Variants in GPR39 observed in about 807,000 individuals in gnomAD.
GPR39 encodes the protein G protein-coupled receptor 39.
GPR39 carries 23 observed loss-of-function variants against 18.4 expected under a neutral mutation model. The observed-to-expected ratio is 1.25, with a 90% CI of 0.90 to 1.77. GPR39 has a LOEUF of 1.77. GPR39 is among the 40% of genes most tolerant of loss of function. The pLI is 0.00. For synonymous variants in GPR39, 280 were observed against 257.9 expected (o/e 1.09, Z -0.82); for missense variants, 647 against 602.4 (o/e 1.07, Z -0.78).
chr2:132,492,065 TACACCACATATATATAC>T (rs1296216463), intron 1 of GPR39, among the ~76,000 whole-genome samples: 2 of 150,480 alleles, frequency 1.3e-5, no homozygotes, highest in African/African-American at 2.4e-5. Flanking sequence ...TATATATGTA[TACACCACATATATATAC>T]ACACCACATA....
In GPR39 at chr2:132,645,188, C is replaced by G. The variant is rs763051509; in HGVS notation, c.944C>G (p.Thr315Arg). ...GCGGCCAAACCCAAGCACGACTGGA[C>G]GAGGTCCTACTTCCGGGCGTACATG... ...MAAAKPKHDW[T>R]RSYFRAYMIL... The change falls in exon 2 of 2, where the codon ACG becomes AGG. Residue 315 changes from threonine to arginine, a missense_variant. By Grantham distance (71) the Thr-to-Arg change is moderately conservative (BLOSUM62 -1). Transcript: ENST00000329321. 6.2e-7 allele frequency: 1 copy of G among 1,614,138 alleles called. No individual in the cohort carries two copies. Among genetic ancestry groups the G allele is most frequent in the South Asian group, 1.1e-5 (1 of 91,082 alleles).
chr2:132,632,498 G>A (rs143629507), intron 1 of GPR39, among the ~76,000 whole-genome samples: 15 of 152,210 alleles, frequency 9.9e-5, no homozygotes, highest in African/African-American at 3.6e-4. Flanking sequence ...AGAAAGCATT[G>A]GACTTTTGAT....
At chr2:132,616,979 T>G (rs1681347361) in intron 1 of GPR39, among the ~76,000 whole-genome samples, 1 of 152,190 alleles carries the variant, frequency 6.6e-6, no homozygotes, top group African/African-American at 2.4e-5. Flanking sequence ...ACAAACCCAT[T>G]CATAGAGACA....
intron 1 of GPR39, among the ~76,000 whole-genome samples, chr2:132,619,854 CACAG>C (rs775292229): frequency 0.02 from 1,932 of 97,966 alleles, 37 homozygotes; most frequent in African/African-American, 0.085. Flanking sequence ...CACACACACA[CACAG>C]ACACACACAC....
At chr2:132,561,268 C>T (rs189007366) in intron 1 of GPR39, among the ~76,000 whole-genome samples, 1 of 152,228 alleles carries the variant, frequency 6.6e-6, no homozygotes, top group East Asian at 1.9e-4. Flanking sequence ...CCTAAACCTG[C>T]TTTTCCTCCT....
chr2:132,520,840 A>T (rs1336585270), intron 1 of GPR39, among the ~76,000 whole-genome samples: 1 of 152,250 alleles, frequency 6.6e-6, no homozygotes, highest in Non-Finnish European at 1.5e-5. Context: ...GCCCAGCCTC[A>T]ACTGCACGTT....
At chr2:132,532,977 T>C (rs1573651224) in intron 1 of GPR39, among the ~76,000 whole-genome samples, 1 of 152,050 alleles carries the variant, frequency 6.6e-6, no homozygotes, top group South Asian at 2.1e-4. Flanking sequence ...TTCAACGTAG[T>C]GTTGGAAGTT....
chr2:132,621,545 G>A (rs971830612), intron 1 of GPR39, among the ~76,000 whole-genome samples: 1 of 152,216 alleles, frequency 6.6e-6, no homozygotes, highest in Non-Finnish European at 1.5e-5. Context: ...GAGAGTCAGT[G>A]CCTGAGATGT....
intron 1 of GPR39, among the ~76,000 whole-genome samples, chr2:132,420,200 G>A (rs995662873): frequency 6.6e-6 from 1 of 152,164 alleles, no homozygotes; most frequent in African/African-American, 2.4e-5. Flanking sequence ...GGTGCTCAAT[G>A]TGCGATAATG....
At chr2:132,582,549 A>ACT (rs1371567267) in intron 1 of GPR39, among the ~76,000 whole-genome samples, 1 of 152,066 alleles carries the variant, frequency 6.6e-6, no homozygotes, top group Non-Finnish European at 1.5e-5. Flanking sequence ...TGGCCAGCCC[A>ACT]CTCTCCAGCC....
chr2:132,601,824 T>G (rs1681048140), intron 1 of GPR39, among the ~76,000 whole-genome samples: 1 of 152,050 alleles, frequency 6.6e-6, no homozygotes, highest in African/African-American at 2.4e-5. Flanking sequence ...ATAATAGCTA[T>G]GAAAAATAGT....
chr2:132,495,893 A>T (rs1681632989), intron 1 of GPR39, among the ~76,000 whole-genome samples: 1 of 151,332 alleles, frequency 6.6e-6, no homozygotes, highest in South Asian at 2.1e-4. Context: ...GCACTTCTTT[A>T]GTCCTTAGCC....
chr2:132,639,903 G>GA (rs1009912549), intron 1 of GPR39, among the ~76,000 whole-genome samples: 7 of 151,954 alleles, frequency 4.6e-5, no homozygotes, highest in East Asian at 1.9e-4. Context: ...TCTAAAGCTG[G>GA]AAAAAAACCC....
intron 1 of GPR39, among the ~76,000 whole-genome samples, chr2:132,430,553 G>A (rs2104758499): frequency 6.6e-6 from 1 of 152,310 alleles, no homozygotes; most frequent in South Asian, 2.1e-4. Flanking sequence ...CTAGGGAGTA[G>A]AAATTCATGG....
rs1253448975 is a variant in GPR39 at position 132,417,843 on chromosome 2, G to A, written c.801G>A (p.Arg267=). Residue 267 remains arginine, a synonymous_variant, in exon 1 of 2, where the codon AGG becomes AGA. Transcript: ENST00000329321. The stretch of plus-strand genomic sequence containing the variant: ...GGGGCACGCGGCCTCCGCAGCTGAG[G>A]AAGTCCGAGAGCGAAGAGAGCAGGA... ...LAGGTRPPQL[R]KSESEESRTA... The A allele has an allele frequency of 6.2e-7, 1 of 1,612,380 alleles. No individual in the cohort carries two copies. Among genetic ancestry groups the A allele is most frequent in the African/African-American group, 1.3e-5 (1 of 74,932 alleles).
Position 132,531,950 on chromosome 2 carries a change from A to G in GPR39, c.857-113151A>G, listed in dbSNP as rs557642867. ...TCACAATTAAAAGAACTAGAGAAGCAAGAGCAAACACATTCAAAAACTAGC... is the reference window on the plus strand; with the variant it reads ...TCACAATTAAAAGAACTAGAGAAGCGAGAGCAAACACATTCAAAAACTAGC... On this transcript the variant is annotated intron_variant, in intron 1 of 1. Coordinates refer to ENST00000329321, the MANE Select transcript of GPR39 (RefSeq NM_001508.3). 8.5e-5 allele frequency among the ~76,000 whole-genome samples: 13 copies of G among 152,360 alleles called. No homozygotes were observed. The East Asian group carries it at 2.3e-3, about 27-fold the overall frequency.
chr2:132,564,624 T>C (rs1680313280), intron 1 of GPR39, among the ~76,000 whole-genome samples: 1 of 152,084 alleles, frequency 6.6e-6, no homozygotes, highest in Non-Finnish European at 1.5e-5. Context: ...GGCCAGTACC[T>C]GCACCATCTT....
At chr2:132,553,392 G>GTATATATACGTA (rs1680090703) in intron 1 of GPR39, among the ~76,000 whole-genome samples, 1 of 147,870 alleles carries the variant, frequency 6.8e-6, no homozygotes, top group African/African-American at 2.5e-5. Flanking sequence ...TATATATAGT[G>GTATATATACGTA]TATATATACG....
At chr2:132,586,175 C>T (rs1290498627) in intron 1 of GPR39, among the ~76,000 whole-genome samples, 3 of 151,936 alleles carry the variant, frequency 2.0e-5, no homozygotes. Context: ...AAAGTATCTG[C>T]GCTGTCTCCT....
Sources: gnomAD v4.1 joint callset for allele counts (sites outside exome capture counted in the v4.1 genomes callset) on GRCh38, gnomAD v4.1.1 for gene constraint, MANE v1.5 for transcripts, NCBI Gene and HGNC (gene_info 2026-07-23, HGNC 2026-07-21) for gene names.